Variants in MSI2 observed in about 807,000 individuals in gnomAD.
MSI2 encodes the protein musashi RNA binding protein 2.
Under a neutral mutation model 45.6 loss-of-function variants are expected in MSI2, and 17 were observed. The observed-to-expected ratio is 0.37, with a 90% CI of 0.26 to 0.56. MSI2 has a LOEUF of 0.56. Ranked by LOEUF, MSI2 falls within the 20% of genes least tolerant of loss-of-function variation. MSI2 has a pLI of 0.77. For synonymous variants in MSI2, 156 were observed against 158.2 expected, an observed-to-expected ratio of 0.99 and a Z score of 0.11; for missense variants, 293 against 444.2, an observed-to-expected ratio of 0.66 and a Z score of 3.06.
intron 5 of MSI2, among the ~76,000 whole-genome samples, chr17:57,306,913 A>G (rs1689784774): frequency 2.0e-5 from 3 of 152,200 alleles, no homozygotes; most frequent in South Asian, 2.1e-4. Flanking sequence ...TATCATATTC[A>G]AAAGCAAAGT....
At chr17:57,686,259 C>T (rs1913877910), downstream of MSI2, among the ~76,000 whole-genome samples, 1 of 151,856 alleles carries the variant, frequency 6.6e-6, no homozygotes, top group African/African-American at 2.4e-5. Context: ...AGAGGTAGGA[C>T]AGTACCAAGC....
At chr17:57,542,315 C>T (rs2087067627) in intron 7 of MSI2, among the ~76,000 whole-genome samples, 1 of 152,298 alleles carries the variant, frequency 6.6e-6, no homozygotes, top group African/African-American at 2.4e-5. Context: ...TTACGTTCTT[C>T]TAGTTGGAAT....
intron 11 of MSI2, among the ~76,000 whole-genome samples, chr17:57,673,259 C>T (rs1020623337): frequency 5.9e-5 from 9 of 152,240 alleles, no homozygotes; most frequent in Non-Finnish European, 1.2e-4. Context: ...ACTTCTGGCT[C>T]TTCCAGGCCC....
At chr17:57,395,162 T>C (rs1172340781) in intron 5 of MSI2, among the ~76,000 whole-genome samples, 2 of 152,204 alleles carry the variant, frequency 1.3e-5, no homozygotes, top group Non-Finnish European at 2.9e-5. Context: ...TGTCTGTTTG[T>C]CCTCTTCTTA....
intron 6 of MSI2, among the ~76,000 whole-genome samples, chr17:57,505,792 C>G (rs1456421666): frequency 6.6e-6 from 1 of 152,002 alleles, no homozygotes; most frequent in Non-Finnish European, 1.5e-5. Context: ...AGTCGGGGGA[C>G]AAGGTGAAAA....
At chr17:57,610,446 C>T (rs1309341132) in intron 8 of MSI2, among the ~76,000 whole-genome samples, 3 of 90,404 alleles carry the variant, frequency 3.3e-5, no homozygotes, top group Admixed American at 1.1e-4. Flanking sequence ...AGCAAGACTC[C>T]GTCTAAAAAA....
chr17:57,399,630 A>G (rs566518137), intron 5 of MSI2, among the ~76,000 whole-genome samples: 5 of 150,562 alleles, frequency 3.3e-5, no homozygotes, highest in Admixed American at 2.6e-4. Context: ...CCAGCAGGCT[A>G]TGGTGGCATG....
At chr17:57,402,514 T>C (rs891385906) in intron 6 of MSI2, among the ~76,000 whole-genome samples, 1 of 152,202 alleles carries the variant, frequency 6.6e-6, no homozygotes, top group Admixed American at 6.5e-5. Context: ...GGTGTCGTGC[T>C]TGCCATGGGT....
intron 7 of MSI2, among the ~76,000 whole-genome samples, chr17:57,583,166 G>A (rs956572638): frequency 5.9e-5 from 9 of 152,138 alleles, no homozygotes; most frequent in African/African-American, 2.2e-4. Flanking sequence ...TCCAATCCAT[G>A]TTTTCTTTGC....
At position 57,652,461 on chromosome 17, in the gene MSI2, G is replaced by C. The variant is rs918983739; in HGVS notation, c.790+300G>C. On this transcript the variant is annotated intron_variant, in intron 11 of 13. Coordinates refer to ENST00000284073, the MANE Select transcript of MSI2 (RefSeq NM_138962.4). This position sits in a 1 kb window ranked among gnomAD's most constrained non-coding sequence, Gnocchi z 4.1. ...TTTGACTTTGACCATCCCGTCACCT[G>C]ACAGCTAGCTTCGGGTACCTGTGGT... Among the ~76,000 whole-genome samples the C allele has an allele frequency of 6.6e-6, 1 of 151,994 alleles. No homozygotes were observed. The highest frequency in any genetic ancestry group is 1.5e-5 in the Non-Finnish European group (1 of 67,998).
At chr17:57,698,892 AGTGTGTGTGTGTGTGTGTGTGTGT>A in the MSI2 span, among the ~76,000 whole-genome samples, 8 of 118,694 alleles carry the variant, frequency 6.7e-5, no homozygotes, top group South Asian at 3.2e-4. Flanking sequence ...GATACAAGGA[AGTGTGTGTGTGTGTGTGTGTGTGT>A]GTGTGTGTGT....
At chr17:57,602,217 T>A (rs1188380287) in intron 8 of MSI2, among the ~76,000 whole-genome samples, 1 of 152,168 alleles carries the variant, frequency 6.6e-6, no homozygotes, top group Non-Finnish European at 1.5e-5. Context: ...TTTTTTAATT[T>A]TTTTTTTTAA....
At chr17:57,698,699 A>G in the MSI2 span, among the ~76,000 whole-genome samples, 2 of 151,960 alleles carry the variant, frequency 1.3e-5, no homozygotes, top group Admixed American at 6.6e-5. Context: ...TCCATCTCCT[A>G]TCAATGCCCC....
rs1021447372 is a variant in MSI2 at position 57,619,347 on chromosome 17, C to T, written c.652+3263C>T. ...AAGCAGATGTGCTTCCTGCCCTCCGCGAGCTTGTGGTCTATACAGAGAGCC... is the reference window on the plus strand; with the variant it reads ...AAGCAGATGTGCTTCCTGCCCTCCGTGAGCTTGTGGTCTATACAGAGAGCC... On this transcript the variant is annotated intron_variant, in intron 9 of 13. Transcript: ENST00000284073. Among the ~76,000 whole-genome samples the T allele has an allele frequency of 3.3e-5, 5 of 152,184 alleles. 1 individual carries two copies. The highest frequency in any genetic ancestry group is 7.2e-5 in the African/African-American group (3 of 41,456).
At chr17:57,377,827 G>A (rs1191985791) in intron 5 of MSI2, among the ~76,000 whole-genome samples, 1 of 152,196 alleles carries the variant, frequency 6.6e-6, no homozygotes, top group African/African-American at 2.4e-5. Context: ...TGTAATCCCA[G>A]CATTTTGGGA....
chr17:57,695,172 A>G, the MSI2 span, among the ~76,000 whole-genome samples: 2 of 152,208 alleles, frequency 1.3e-5, no homozygotes, highest in African/African-American at 4.8e-5. Context: ...GCTAGTTAAT[A>G]GTGTGGGAAC....
chr17:57,256,918 G>GC (rs1257164574), intron 1 of MSI2, 114 bp downstream of exon 1: 507 of 489,750 alleles, frequency 1.0e-3, no homozygotes, highest in South Asian at 5.3e-3. Flanking sequence ...TCTCCCGCGC[G>GC]CCCCCCCCGT....
intron 5 of MSI2, among the ~76,000 whole-genome samples, chr17:57,312,855 A>G (rs57669851): frequency 0.15 from 22,826 of 151,742 alleles, 3,580 homozygotes; most frequent in African/African-American, 0.39. Context: ...TCGACATTGG[A>G]TTTCTTTTTT....
At position 57,672,696 on chromosome 17, in the gene MSI2, G is replaced by A. The variant is rs560807513; in HGVS notation, c.791-2276G>A. On this transcript the variant is annotated intron_variant, in intron 11 of 13. Transcript: ENST00000284073. ...CCATCCTATTAGCCTAAAATGGAAC[G>A]GGCTAATTAGTTTATTTGTATAGGG... Among the ~76,000 whole-genome samples, 5 of 152,326 alleles carry A rather than the reference G, an allele frequency of 3.3e-5. No individual in the cohort carries two copies. The South Asian group carries it at 6.2e-4, about 19-fold the overall frequency.
Sources: gnomAD v4.1 joint callset for allele counts (sites outside exome capture counted in the v4.1 genomes callset) on GRCh38, gnomAD v4.1.1 for gene constraint, Gnocchi (gnomAD v3.1) non-coding constraint, MANE v1.5 for transcripts, NCBI Gene and HGNC (gene_info 2026-07-23, HGNC 2026-07-21) for gene names.